The following PLXNA4 variants were observed in gnomAD, a reference collection of about 807,000 sequenced individuals.
PLXNA4 encodes plexin-A4.
PLXNA4 carries 44 observed loss-of-function variants against 191.8 expected under a neutral mutation model. The ratio of observed to expected loss-of-function variants is 0.23; its 90% CI spans 0.18 to 0.29. PLXNA4 has a LOEUF of 0.29. Among genes scored for constraint, PLXNA4 ranks in the 10% least tolerant of loss-of-function variants. PLXNA4 has a pLI of 1.00. For missense variants in PLXNA4, 1,800 were observed against 2,488.8 expected (o/e 0.72, Z 5.89); for synonymous variants, 1,082 against 1,009.5 (o/e 1.07, Z -1.36).
intron 3 of PLXNA4, among the ~76,000 whole-genome samples, chr7:132,334,251 T>C (rs1478116943): frequency 7.9e-6 from 1 of 126,602 alleles, no homozygotes; most frequent in Non-Finnish European, 1.6e-5. Context: ...TTTCTTTCTT[T>C]CTTTTTTTTT....
chr7:132,409,549 G>A (rs946590394), intron 3 of PLXNA4, among the ~76,000 whole-genome samples: 3 of 152,148 alleles, frequency 2.0e-5, no homozygotes, highest in African/African-American at 7.2e-5. Flanking sequence ...ACAGGGGAGG[G>A]GAAATGAGAA....
chr7:132,193,651 A>G lies in PLXNA4; in HGVS notation c.2856+411T>C, dbSNP rs540515033. Among the ~76,000 whole-genome samples, 19 of 152,352 alleles carry G rather than the reference A, an allele frequency of 1.2e-4. No homozygotes were observed. The South Asian group carries it at 2.1e-3, about 17-fold the overall frequency. ...ATTATTATCCTCATTTTATAAATGA[A>G]GAAACTGAGGCAAAAACAAAATGTT... On this transcript the variant is annotated intron_variant, in intron 14 of 31. Coordinates refer to ENST00000321063, the MANE Select transcript of PLXNA4 (RefSeq NM_020911.2).
chr7:132,199,178 A>T (rs998742434), intron 12 of PLXNA4, among the ~76,000 whole-genome samples: 12 of 150,892 alleles, frequency 8.0e-5, no homozygotes, highest in Middle Eastern at 3.4e-3. Context: ...CATCCTTCCC[A>T]CTCCCAGCCC....
chr7:132,511,039 TTTGGAGC>T (rs2116281832), intron 1 of PLXNA4, among the ~76,000 whole-genome samples: 1 of 60,922 alleles, frequency 1.6e-5, no homozygotes, highest in African/African-American at 7.9e-5. Flanking sequence ...AGAAGGAGAG[TTTGGAGC>T]TGAGGGTCTG....
At chr7:132,214,034 A>G (rs73155286) in intron 9 of PLXNA4, among the ~76,000 whole-genome samples, 5,092 of 152,318 alleles carry the variant, frequency 0.033, 101 homozygotes, top group Middle Eastern at 0.065. Flanking sequence ...TCAGCAGATG[A>G]GCTGGTAGCT....
intron 20 of PLXNA4, among the ~76,000 whole-genome samples, chr7:132,179,106 CACACAT>C (rs1279718360): frequency 9.0e-6 from 1 of 111,588 alleles, no homozygotes; most frequent in Non-Finnish European, 1.7e-5. Context: ...TTGTAAATGA[CACACAT>C]ACACATACAC....
chr7:132,189,651 G>A (rs1797026410), intron 14 of PLXNA4, among the ~76,000 whole-genome samples: 1 of 152,138 alleles, frequency 6.6e-6, no homozygotes, highest in Non-Finnish European at 1.5e-5. Context: ...GGGGAGCTAG[G>A]GGCTTCTGTG....
At chr7:132,337,598 C>T (rs573063551) in intron 3 of PLXNA4, among the ~76,000 whole-genome samples, 6 of 152,294 alleles carry the variant, frequency 3.9e-5, no homozygotes, top group East Asian at 1.9e-4. Flanking sequence ...TAAGAAACAA[C>T]GTTTACAAAC....
intron 25 of PLXNA4, among the ~76,000 whole-genome samples, chr7:132,154,413 GT>G (rs56270651): frequency 0.23 from 34,220 of 146,500 alleles, 6,065 homozygotes; most frequent in African/African-American, 0.51. Context: ...AAAACGTTCT[GT>G]TTTTTTTTTT....
chr7:132,447,118 G>C (rs1795940988), intron 3 of PLXNA4, among the ~76,000 whole-genome samples: 1 of 151,700 alleles, frequency 6.6e-6, no homozygotes, highest in Admixed American at 6.6e-5. Flanking sequence ...CCGCTCCACT[G>C]CCTAACTGAC....
chr7:132,551,940 T>C (rs1225223953), intron 1 of PLXNA4, among the ~76,000 whole-genome samples: 1 of 152,054 alleles, frequency 6.6e-6, no homozygotes, highest in Non-Finnish European at 1.5e-5. Context: ...ATGGAATCAA[T>C]GAGACATGTA....
At chr7:132,515,921 T>A (rs1002515781) in intron 1 of PLXNA4, among the ~76,000 whole-genome samples, 1 of 152,176 alleles carries the variant, frequency 6.6e-6, no homozygotes, top group Non-Finnish European at 1.5e-5. Context: ...AAATATGAGC[T>A]CCTTGAGGAC....
intron 4 of PLXNA4, among the ~76,000 whole-genome samples, chr7:132,246,800 T>C (rs1799072265): frequency 6.6e-6 from 1 of 151,584 alleles, no homozygotes; most frequent in Non-Finnish European, 1.5e-5. Flanking sequence ...ATCATCATCA[T>C]CATCATCCTC....
intron 25 of PLXNA4, among the ~76,000 whole-genome samples, chr7:132,151,298 A>AAGGAGGAGGAGGAAGAAGG (rs1491294408): frequency 2.5e-4 from 8 of 31,638 alleles, no homozygotes; most frequent in African/African-American, 6.6e-4. Flanking sequence ...GAGGAAGAAG[A>AAGGAGGAGGAGGAAGAAGG]AGGAGGAGGA....
intron 4 of PLXNA4, among the ~76,000 whole-genome samples, chr7:132,270,934 CACTT>C (rs1800044394): frequency 6.6e-6 from 1 of 152,138 alleles, no homozygotes. Context: ...GAGTAGTACT[CACTT>C]ACATCTGGTT....
At chr7:132,616,528 T>C (rs1468418430) in intron 2 of PLXNA4, among the ~76,000 whole-genome samples, 6 of 152,164 alleles carry the variant, frequency 3.9e-5, no homozygotes, top group African/African-American at 1.4e-4. Flanking sequence ...GCTTGACTCA[T>C]CCATAAAACT....
chr7:132,586,070 T>G (rs1203727430), intron 2 of PLXNA4, among the ~76,000 whole-genome samples: 2 of 152,192 alleles, frequency 1.3e-5, no homozygotes, highest in Non-Finnish European at 2.9e-5. Context: ...ATAAAATCCT[T>G]GTAGAACACC....
intron 2 of PLXNA4, among the ~76,000 whole-genome samples, chr7:132,499,765 T>A (rs1798173081): frequency 6.6e-6 from 1 of 152,178 alleles, no homozygotes. Flanking sequence ...CTTCCTCTCT[T>A]GCTCCTCGGG....
intron 3 of PLXNA4, among the ~76,000 whole-genome samples, chr7:132,342,077 T>C (rs950567853): frequency 6.6e-6 from 1 of 151,704 alleles, no homozygotes; most frequent in African/African-American, 2.4e-5. Context: ...CAATCCATCA[T>C]GGATTTTCCT....
Sources: gnomAD v4.1 joint callset for allele counts (sites outside exome capture counted in the v4.1 genomes callset) on GRCh38, gnomAD v4.1.1 for gene constraint, MANE v1.5 for transcripts, NCBI Gene and HGNC (gene_info 2026-07-23, HGNC 2026-07-21) for gene names.